The following WASF1 variants were observed in gnomAD, a reference collection of about 807,000 sequenced individuals.
WASF1 encodes the protein actin-binding protein WASF1.
A neutral mutation model predicts 50.5 loss-of-function variants in WASF1; 7 were observed. That is an observed-to-expected ratio of 0.14 (90% confidence interval 0.08 to 0.26). WASF1 has a LOEUF of 0.26. WASF1 is among the 10% of genes least tolerant of loss of function. WASF1 has a pLI of 1.00. For missense variants in WASF1, 470 were observed against 694.7 expected, an observed-to-expected ratio of 0.68 and a Z score of 3.64; for synonymous variants, 205 against 244.0, an observed-to-expected ratio of 0.84 and a Z score of 1.49.
chr6:110,150,786 A>G (rs1369711078), intron 3 of WASF1, among the ~76,000 whole-genome samples: 1 of 152,240 alleles, frequency 6.6e-6, no homozygotes, highest in Non-Finnish European at 1.5e-5. Flanking sequence ...CTGTAATCAC[A>G]GCACTTTGGG....
At chr6:110,168,145 C>T (rs1162717221) in intron 2 of WASF1, among the ~76,000 whole-genome samples, 1 of 151,970 alleles carries the variant, frequency 6.6e-6, no homozygotes, top group African/African-American at 2.4e-5. Context: ...CTGGTCCTAA[C>T]ATGACCTCTC....
intron 3 of WASF1, among the ~76,000 whole-genome samples, chr6:110,129,007 G>A (rs987567221): frequency 4.7e-5 from 7 of 147,674 alleles, no homozygotes; most frequent in Non-Finnish European, 7.4e-5. Flanking sequence ...CCCCCTGCCC[G>A]TGGAAAGACT....
At chr6:110,166,289 G>C (rs2114612553) in intron 2 of WASF1, among the ~76,000 whole-genome samples, 1 of 151,076 alleles carries the variant, frequency 6.6e-6, no homozygotes, top group South Asian at 2.1e-4. Context: ...TCCTCATTTT[G>C]ACCAAAATAT....
At chr6:110,144,506 G>A (rs937094702) in intron 3 of WASF1, among the ~76,000 whole-genome samples, 1 of 152,174 alleles carries the variant, frequency 6.6e-6, no homozygotes, top group Admixed American at 6.5e-5. Context: ...TGTTGCCATT[G>A]CTTTTGGTGT....
intron 3 of WASF1, among the ~76,000 whole-genome samples, chr6:110,144,532 C>A (rs1289892322): frequency 6.6e-6 from 1 of 152,134 alleles, no homozygotes; most frequent in Admixed American, 6.5e-5. Flanking sequence ...ACATGAAGTC[C>A]TTGCCCATGC....
chr6:110,124,224 CT>C lies in WASF1; in HGVS notation c.133+3244del, dbSNP rs201577772. On this transcript the variant is annotated intron_variant, in intron 4 of 10. Transcript: ENST00000392589. ...CTCTCTCTCTCTCTCTCTCCTCTCT[CT>C]CCTCTCTCTCCTCTCTCTCTCTCTC... Among the ~76,000 whole-genome samples the C allele has an allele frequency of 6.3e-3, 469 of 74,204 alleles. 10 individuals are homozygous for C. The highest frequency in any genetic ancestry group is 0.015 in the African/African-American group (175 of 11,620). The allele number at this position is 74,204 out of a possible 152,430, so 48.7% of individuals were successfully genotyped here.
chr6:110,171,947 G>C (rs1481822602), intron 2 of WASF1, among the ~76,000 whole-genome samples: 7 of 152,090 alleles, frequency 4.6e-5, no homozygotes, highest in Non-Finnish European at 8.8e-5. Context: ...CATCACCACT[G>C]GTCACTAAAG....
At chr6:110,122,239 C>CAAAAAAAAA (rs55836821) in intron 4 of WASF1, among the ~76,000 whole-genome samples, 1 of 114,170 alleles carries the variant, frequency 8.8e-6, no homozygotes, top group Non-Finnish European at 1.9e-5. Context: ...AAATGGAATC[C>CAAAAAAAAA]AAAAAAAAAA....
rs192577175 is a variant in WASF1 at position 110,119,837 on chromosome 6, C to T, written c.134-6377G>A. 4.1e-4 allele frequency among the ~76,000 whole-genome samples: 63 copies of T among 152,262 alleles called. No homozygotes were observed. In the East Asian group the frequency reaches 0.012, roughly 29 times the overall value. Reference sequence around the variant, plus strand: ...TCCAGCAGCACATCAAAAAGCTTATCCACCATGATCAAGTCAGCTTCATCC... The same window carrying T: ...TCCAGCAGCACATCAAAAAGCTTATTCACCATGATCAAGTCAGCTTCATCC... On this transcript the variant is annotated intron_variant, in intron 4 of 10. Transcript: ENST00000392589.
chr6:110,174,737 T>C (rs1776854139), intron 2 of WASF1, among the ~76,000 whole-genome samples: 1 of 152,172 alleles, frequency 6.6e-6, no homozygotes. Context: ...TTCTTTTCCT[T>C]TTGGACCATG....
intron 2 of WASF1, among the ~76,000 whole-genome samples, chr6:110,176,692 T>C (rs1264096058): frequency 1.3e-5 from 2 of 152,084 alleles, no homozygotes; most frequent in Non-Finnish European, 2.9e-5. Context: ...ACTAACAACT[T>C]TGGATTTATG....
chr6:110,173,403 AC>A (rs1464168001), intron 2 of WASF1, among the ~76,000 whole-genome samples: 1 of 152,152 alleles, frequency 6.6e-6, no homozygotes, highest in African/African-American at 2.4e-5. Context: ...TTTCTTTAGG[AC>A]CTTTAGTTTA....
At chr6:110,111,524 C>T (rs536037163) in intron 5 of WASF1, among the ~76,000 whole-genome samples, 5 of 152,162 alleles carry the variant, frequency 3.3e-5, no homozygotes, top group Non-Finnish European at 7.4e-5. Context: ...ATAGACATTT[C>T]TCCAAAGGAG....
intron 3 of WASF1, among the ~76,000 whole-genome samples, chr6:110,136,664 A>T (rs1161465742): frequency 1.3e-5 from 2 of 152,206 alleles, no homozygotes; most frequent in Non-Finnish European, 2.9e-5. Context: ...TTGTGTTTGC[A>T]TGATAGAGCT....
At chr6:110,114,469 C>T (rs1773704358) in intron 4 of WASF1, among the ~76,000 whole-genome samples, 2 of 152,146 alleles carry the variant, frequency 1.3e-5, no homozygotes, top group African/African-American at 2.4e-5. Flanking sequence ...CCAGCAGACA[C>T]AAAAACCTTG....
intron 2 of WASF1, among the ~76,000 whole-genome samples, chr6:110,172,064 A>G (rs1235512341): frequency 6.6e-6 from 1 of 152,192 alleles, no homozygotes; most frequent in African/African-American, 2.4e-5. Flanking sequence ...GAGAAATAGG[A>G]ACGCTTTTAC....
chr6:110,118,347 CAAAAAAAAAAAAAAAAAAAAAAA>C (rs56948481), intron 4 of WASF1, among the ~76,000 whole-genome samples: 1 of 7,474 alleles, frequency 1.3e-4, no homozygotes, highest in Non-Finnish European at 2.6e-4. Flanking sequence ...AAACGGAAAG[CAAAAAAAAAAAAAAAAAAAAAAA>C]AAAAAAAAGC....
At chr6:110,121,075 A>C (rs189284826) in intron 4 of WASF1, among the ~76,000 whole-genome samples, 5 of 152,366 alleles carry the variant, frequency 3.3e-5, no homozygotes, top group Admixed American at 3.3e-4. Context: ...ACCTAACACC[A>C]TAAAAACCCT....
chr6:110,178,469 CAATT>C (rs1777031196), intron 2 of WASF1, 125 bp downstream of exon 2: 1 of 152,246 alleles, frequency 6.6e-6, no homozygotes, highest in African/African-American at 2.4e-5. Context: ...TCAATTACAT[CAATT>C]AGTGAACAGA....
Sources: gnomAD v4.1 joint callset for allele counts (sites outside exome capture counted in the v4.1 genomes callset) on GRCh38, gnomAD v4.1.1 for gene constraint, MANE v1.5 for transcripts, NCBI Gene and HGNC (gene_info 2026-07-23, HGNC 2026-07-21) for gene names.